The following ZC3H7B variants were observed in gnomAD, a reference collection of about 807,000 sequenced individuals.
ZC3H7B encodes zinc finger CCCH-type containing 7B, also known as zinc finger CCCH domain-containing protein 7B.
Under a neutral mutation model 116.0 loss-of-function variants are expected in ZC3H7B, and 35 were observed. The observed-to-expected ratio is 0.30, with a 90% confidence interval of 0.23 to 0.40. ZC3H7B has a LOEUF of 0.40. Ranked by LOEUF, ZC3H7B falls within the 10% of genes least tolerant of loss-of-function variation. The pLI is 1.00. For synonymous variants in ZC3H7B, 502 were observed against 545.6 expected, an observed-to-expected ratio of 0.92 and a Z score of 1.11; for missense variants, 1,011 against 1,321.5, an observed-to-expected ratio of 0.77 and a Z score of 3.64.
In ZC3H7B at chr22:41,357,364, G is replaced by A. The variant is rs1468086749; in HGVS notation, c.2869G>A (p.Gly957Arg). 7 of 1,613,382 alleles carry A rather than the reference G, an allele frequency of 4.3e-6. No homozygotes were observed. Among genetic ancestry groups the A allele is most frequent in the Non-Finnish European group, 5.9e-6 (7 of 1,179,960 alleles). Residue 957 changes from glycine to arginine, a missense_variant, in exon 23 of 23, where the codon GGG becomes AGG. Physicochemically the swap from Gly to Arg is moderately radical, Grantham distance 125. This residue lies in a region of ZC3H7B where 406 missense variants were observed against 590.2 expected (regional missense o/e 0.69). Coordinates refer to ENST00000352645, the MANE Select transcript of ZC3H7B (RefSeq NM_017590.6). This position sits in a 1 kb window ranked among gnomAD's most constrained non-coding sequence, Gnocchi z 5.4. ...GKYNFLLQED[G>R]DLAGATPEAP... ...ATACAACTTCCTGCTGCAAGAGGAC[G>A]GGGACCTTGCCGGTGCCACCCCAGA...
intron 1 of ZC3H7B, among the ~76,000 whole-genome samples, chr22:41,305,039 C>T (rs2036021414): frequency 6.6e-6 from 1 of 152,148 alleles, no homozygotes; most frequent in Non-Finnish European, 1.5e-5. Context: ...TGGTGAAACC[C>T]AGTCTCCACT....
At chr22:41,303,672 C>A (rs916580801) in intron 1 of ZC3H7B, among the ~76,000 whole-genome samples, 2 of 142,372 alleles carry the variant, frequency 1.4e-5, no homozygotes, top group Non-Finnish European at 3.1e-5. Context: ...AGGTAGGATT[C>A]CCACCCAGTT....
chr22:41,324,842 G>A (rs1459548027), intron 2 of ZC3H7B, among the ~76,000 whole-genome samples: 1 of 152,144 alleles, frequency 6.6e-6, no homozygotes, highest in Non-Finnish European at 1.5e-5. Flanking sequence ...TCCTTCCCAA[G>A]GCCTGTTCTA....
chr22:41,356,756 G>A lies in ZC3H7B; in HGVS notation c.2629G>A (p.Ala877Thr), dbSNP rs369870974. 21 of 1,613,500 alleles carry A rather than the reference G, an allele frequency of 1.3e-5. No homozygotes were observed. The highest frequency in any genetic ancestry group is 3.3e-5 in the Admixed American group (2 of 60,004). ...GAAGGTCTTCACGTCCGACAGTGAC[G>A]CCAGCGGCTGGGCCTTCCGCTTCCC... is the stretch of plus-strand genomic sequence containing the variant. ...KEKVFTSDSD[A>T]SGWAFRFPMG... is the part of the protein sequence containing the mutation. Residue 877 changes from alanine to threonine, a missense_variant, in exon 22 of 23, where the codon GCC (alanine) becomes ACC (threonine). Transcript: ENST00000352645.
intron 11 of ZC3H7B, 21 bp from the exon 12 acceptor site, chr22:41,342,508 G>A: frequency 1.9e-6 from 3 of 1,610,934 alleles, no homozygotes; most frequent in Non-Finnish European, 2.5e-6. Context: ...GCCCACAATG[G>A]CCTCCTTCCT....
chr22:41,343,804 G>A (rs1360782101), intron 13 of ZC3H7B, among the ~76,000 whole-genome samples: 1 of 152,182 alleles, frequency 6.6e-6, no homozygotes, highest in Non-Finnish European at 1.5e-5. Flanking sequence ...GACACATTTG[G>A]GACATTCAGC....
chr22:41,327,269 C>T lies in ZC3H7B; in HGVS notation c.349C>T (p.Arg117Trp). Residue 117 changes from arginine (R) to tryptophan (W), a missense_variant, in exon 5 of 23, where the codon CGG becomes TGG. Transcript: ENST00000352645. The surrounding 1 kb of genome is among the most constrained non-coding windows in gnomAD (Gnocchi z 4.5). ...GCTGGGCCTGGACAGTGAGAGTATC[C>T]GGGCGTTGTTCCGCAAGGCACGCGC... Reference protein sequence around the residue: ...KALGLDSESIRALFRKARALN... With the variant: ...KALGLDSESIWALFRKARALN... The T allele has an allele frequency of 3.1e-6, 5 of 1,614,030 alleles. No individual in the cohort carries two copies. The highest frequency in any genetic ancestry group is 4.2e-6 in the Non-Finnish European group (5 of 1,180,036).
rs142288801 is a variant in ZC3H7B, at chr22:41,340,025, G to A, written c.1026G>A (p.Pro342=). Residue 342 remains proline, a synonymous_variant, in exon 10 of 23, where the codon CCG becomes CCA. Coordinates refer to ENST00000352645, the MANE Select transcript of ZC3H7B (RefSeq NM_017590.6). ...CTGTGCTGGATGCCCTCGATCCCCC[G>A]GGCCCCACGCTGGACCCCCTGGACC... ...AASVLDALDP[P]GPTLDPLDLL... 25 of 1,610,968 alleles carry A rather than the reference G, an allele frequency of 1.6e-5. No individual in the cohort carries two copies. Among genetic ancestry groups the A allele is most frequent in the Non-Finnish European group, 1.9e-5 (23 of 1,179,984 alleles).
intron 2 of ZC3H7B, among the ~76,000 whole-genome samples, chr22:41,323,606 A>G (rs2036283691): frequency 6.6e-6 from 1 of 152,186 alleles, no homozygotes; most frequent in Admixed American, 6.5e-5. Context: ...TTGGCCTCCT[A>G]AGGCTTTGCA....
intron 17 of ZC3H7B, among the ~76,000 whole-genome samples, chr22:41,354,529 A>G (rs186322698): frequency 3.1e-4 from 47 of 152,222 alleles, no homozygotes; most frequent in South Asian, 2.9e-3. Context: ...GGGAGTTCCT[A>G]TGGCAGGAGG....
intron 17 of ZC3H7B, among the ~76,000 whole-genome samples, chr22:41,352,592 C>G (rs2036666494): frequency 6.6e-6 from 1 of 152,092 alleles, no homozygotes; most frequent in Non-Finnish European, 1.5e-5. Flanking sequence ...GAAACCCCAT[C>G]TGTACTAAAA....
chr22:41,326,067 C>A, intron 4 of ZC3H7B, 149 bp downstream of exon 4: 1 of 933,506 alleles, frequency 1.1e-6, no homozygotes, highest in Non-Finnish European at 1.6e-6. Flanking sequence ...GTTCTCGTGG[C>A]TCTTAATCTC....
rs2036311794 is a variant in ZC3H7B, at chr22:41,325,882, G to A, written c.249G>A (p.Lys83=). The change falls in exon 4 of 23, where the codon AAG becomes AAA. Residue 83 remains lysine, a synonymous_variant. Transcript: ENST00000352645. The part of the protein sequence containing the change: ...QVALPRELLC[K]LHVNRAACYF... ...CCCTGCCCCGGGAGCTGCTGTGCAAGCTGCATGTCAATAGGGCCGCCTGCT... is the reference window on the plus strand; with the variant it reads ...CCCTGCCCCGGGAGCTGCTGTGCAAACTGCATGTCAATAGGGCCGCCTGCT... The A allele has an allele frequency of 3.7e-6, 6 of 1,610,876 alleles. No individual in the cohort carries two copies. The highest frequency in any genetic ancestry group is 1.7e-5 in the Admixed American group (1 of 59,710).
chr22:41,332,363 CG>C (rs2036394575), intron 7 of ZC3H7B, 136 bp downstream of exon 7: 5 of 1,069,870 alleles, frequency 4.7e-6, no homozygotes, highest in Admixed American at 3.8e-5. Flanking sequence ...CCCGTGTCCA[CG>C]GGGGCAGGAT....
intron 13 of ZC3H7B, among the ~76,000 whole-genome samples, chr22:41,344,105 C>G (rs1282455501): frequency 6.6e-6 from 1 of 152,218 alleles, no homozygotes; most frequent in African/African-American, 2.4e-5. Flanking sequence ...AGCCAAGCGC[C>G]TTGGTCCCGC....
rs1471829168 is a variant in ZC3H7B, at chr22:41,343,411, A to G, written c.1298-4A>G. ...ATTATCATGTGTGTCCACCCTGCCC[A>G]TAGGCCCCCGGGCTGGCGACTACAC... On this transcript the variant is annotated splice_region_variant and splice_polypyrimidine_tract_variant and intron_variant, in intron 12 of 22. Coordinates refer to ENST00000352645, the MANE Select transcript of ZC3H7B (RefSeq NM_017590.6). 4 of 1,605,440 alleles carry G rather than the reference A, an allele frequency of 2.5e-6. No homozygotes were observed. Among genetic ancestry groups the G allele is most frequent in the African/African-American group, 2.7e-5 (2 of 74,780 alleles).
intron 1 of ZC3H7B, among the ~76,000 whole-genome samples, chr22:41,314,155 A>G (rs959333981): frequency 6.7e-6 from 1 of 149,588 alleles, no homozygotes; most frequent in Non-Finnish European, 1.5e-5. Context: ...TATTTTATTT[A>G]TTTATTTATT....
At chr22:41,356,912 G>C in intron 22 of ZC3H7B, 104 bp downstream of exon 22, 1 of 1,539,992 alleles carries the variant, frequency 6.5e-7, no homozygotes, top group Non-Finnish European at 8.8e-7. Flanking sequence ...TGTGCAGGGA[G>C]TGGTGAGGCT....
intron 10 of ZC3H7B, among the ~76,000 whole-genome samples, chr22:41,340,598 C>G (rs750574432): frequency 6.6e-6 from 1 of 152,144 alleles, no homozygotes; most frequent in African/African-American, 2.4e-5. Flanking sequence ...CCAGGGCACT[C>G]GACTGAGAGG....
Sources: allele counts gnomAD v4.1 joint callset (sites outside exome capture counted in the v4.1 genomes callset), GRCh38; gene constraint gnomAD v4.1.1; regional missense constraint gnomAD v4.1.1; non-coding constraint Gnocchi (gnomAD v3.1); transcripts MANE v1.5; gene names NCBI Gene and HGNC (gene_info 2026-07-23, HGNC 2026-07-21).